The following ANXA13 variants were observed in gnomAD, a reference collection of about 807,000 sequenced individuals.
ANXA13 encodes annexin XIII.
ANXA13 carries 36 observed loss-of-function variants against 46.6 expected under a neutral mutation model. The ratio of observed to expected loss-of-function variants is 0.77; its 90% CI spans 0.59 to 1.02. ANXA13 has a LOEUF of 1.02. ANXA13 is among the 50% of genes least tolerant of loss of function. The pLI is 0.00. For synonymous variants in ANXA13, 163 were observed against 152.9 expected, an observed-to-expected ratio of 1.07 and a Z score of -0.49; for missense variants, 417 against 396.5, an observed-to-expected ratio of 1.05 and a Z score of -0.44.
At chr8:123,719,020 G>A (rs1813809687) in intron 1 of ANXA13, among the ~76,000 whole-genome samples, 1 of 152,206 alleles carries the variant, frequency 6.6e-6, no homozygotes, top group Non-Finnish European at 1.5e-5. Flanking sequence ...GAACATTCTA[G>A]GAACATCTTC....
At chr8:123,736,631 GAA>G (rs1189889491) in intron 1 of ANXA13, among the ~76,000 whole-genome samples, 1 of 152,152 alleles carries the variant, frequency 6.6e-6, no homozygotes, top group Non-Finnish European at 1.5e-5. Flanking sequence ...TTTGCAACAT[GAA>G]CCTATCTTTC....
chr8:123,725,601 C>T (rs1032554861), intron 1 of ANXA13, among the ~76,000 whole-genome samples: 1 of 152,166 alleles, frequency 6.6e-6, no homozygotes, highest in African/African-American at 2.4e-5. Context: ...GGGCCATTCA[C>T]ATCTGAAGCA....
intron 9 of ANXA13, among the ~76,000 whole-genome samples, chr8:123,685,031 T>A (rs868151735): frequency 6.6e-6 from 1 of 152,208 alleles, no homozygotes; most frequent in Admixed American, 6.5e-5. Flanking sequence ...ACTTTCCCTA[T>A]CGAGTGAAAT....
chr8:123,715,809 A>G (rs938584699), intron 1 of ANXA13, among the ~76,000 whole-genome samples: 2 of 152,148 alleles, frequency 1.3e-5, no homozygotes, highest in South Asian at 4.1e-4. Context: ...CAAGGCTAGA[A>G]CCAGATTTTC....
Position 123,695,906 on chromosome 8 carries a change from GCCC to G in ANXA13, c.358-188_358-186del, listed in dbSNP as rs369319261. On this transcript the variant is annotated intron_variant, in intron 4 of 10. Coordinates refer to ENST00000419625, the MANE Select transcript of ANXA13 (RefSeq NM_004306.4). Reference sequence around the variant, plus strand: ...CGAGTCCCTGGAGATGTGACGGCCCGCCCCCCCCCCACTCCGCCCACCTCTGCA... The same window carrying G: ...CGAGTCCCTGGAGATGTGACGGCCCGCCCCCCCACTCCGCCCACCTCTGCA... Among the ~76,000 whole-genome samples the G allele has an allele frequency of 2.8e-3, 259 of 91,168 alleles. 3 individuals are homozygous for G. Among genetic ancestry groups the G allele is most frequent in the African/African-American group, 0.011 (250 of 23,682 alleles). The allele number at this position is 91,168 out of a possible 152,430, so 59.8% of individuals were successfully genotyped here.
At chr8:123,712,484 A>G (rs1813678777) in intron 2 of ANXA13, 194 bp downstream of exon 2, 3 of 600,056 alleles carry the variant, frequency 5.0e-6, no homozygotes, top group South Asian at 4.0e-5. Context: ...GTTATATAGA[A>G]TCCTGAAAAG....
intron 2 of ANXA13, among the ~76,000 whole-genome samples, chr8:123,705,037 C>T (rs942860488): frequency 6.6e-6 from 1 of 152,216 alleles, no homozygotes; most frequent in African/African-American, 2.4e-5. Flanking sequence ...CTCATTTTGT[C>T]TATCCTTAAA....
intron 3 of ANXA13, 95 bp downstream of exon 3, chr8:123,702,547 C>T (rs1813462989): frequency 1.0e-6 from 1 of 967,036 alleles, no homozygotes; most frequent in South Asian, 1.4e-5. Flanking sequence ...CTCAATAAAG[C>T]TATAAAGATA....
intron 1 of ANXA13, among the ~76,000 whole-genome samples, chr8:123,729,680 G>A (rs146257405): frequency 7.9e-5 from 12 of 152,244 alleles, no homozygotes; most frequent in Non-Finnish European, 1.2e-4. Context: ...TGACAGAAAG[G>A]CAGACATAGC....
intron 1 of ANXA13, among the ~76,000 whole-genome samples, chr8:123,725,443 G>T (rs1316868071): frequency 6.6e-6 from 1 of 152,110 alleles, no homozygotes; most frequent in Admixed American, 6.5e-5. Flanking sequence ...CCTCTAACCG[G>T]TTACTCATTT....
intron 2 of ANXA13, chr8:123,712,278 C>A: frequency 5.0e-6 from 1 of 201,392 alleles, no homozygotes. Context: ...TTCTGCCATG[C>A]TTGTGAGGCC....
chr8:123,724,171 G>C (rs1294348098), intron 1 of ANXA13, among the ~76,000 whole-genome samples: 2 of 152,222 alleles, frequency 1.3e-5, no homozygotes, highest in Non-Finnish European at 2.9e-5. Context: ...TCAGACCTCA[G>C]TTGGAGAAAT....
chr8:123,683,348 C>T (rs184693353), intron 10 of ANXA13, among the ~76,000 whole-genome samples: 424 of 151,588 alleles, frequency 2.8e-3, no homozygotes, highest in African/African-American at 9.9e-3. Context: ...AGATGTTAAG[C>T]ATTATTTGTT....
At chr8:123,708,718 T>C (rs908751547) in intron 2 of ANXA13, among the ~76,000 whole-genome samples, 1 of 152,214 alleles carries the variant, frequency 6.6e-6, no homozygotes, top group Non-Finnish European at 1.5e-5. Flanking sequence ...CAGCAGTCTA[T>C]TCCTGCACAG....
chr8:123,710,433 A>T (rs1449121068), intron 2 of ANXA13, among the ~76,000 whole-genome samples: 1 of 152,228 alleles, frequency 6.6e-6, no homozygotes, highest in Non-Finnish European at 1.5e-5. Flanking sequence ...AGATGGTCGC[A>T]AAATCCTGTG....
intron 9 of ANXA13, among the ~76,000 whole-genome samples, chr8:123,688,449 G>A (rs984037563): frequency 5.9e-5 from 9 of 152,046 alleles, no homozygotes; most frequent in Admixed American, 3.3e-4. Flanking sequence ...GCATGAAAAC[G>A]GACTAATACA....
chr8:123,705,003 A>G (rs922996255), intron 2 of ANXA13, among the ~76,000 whole-genome samples: 5 of 152,104 alleles, frequency 3.3e-5, no homozygotes, highest in Non-Finnish European at 7.4e-5. Flanking sequence ...AGGCATTTCA[A>G]CTTCCATTGT....
chr8:123,734,097 G>A (rs1335189243), intron 1 of ANXA13, among the ~76,000 whole-genome samples: 2 of 152,190 alleles, frequency 1.3e-5, no homozygotes, highest in Non-Finnish European at 2.9e-5. Flanking sequence ...TCTATTGCCT[G>A]TTCATTAGCC....
intron 10 of ANXA13, among the ~76,000 whole-genome samples, 164 bp downstream of exon 10, chr8:123,684,446 T>A (rs1813098981): frequency 6.6e-6 from 1 of 152,186 alleles, no homozygotes; most frequent in Admixed American, 6.5e-5. Context: ...AGAAACAGAT[T>A]GAAGCAGAGC....
Sources: gnomAD v4.1 joint callset for allele counts (sites outside exome capture counted in the v4.1 genomes callset) on GRCh38, gnomAD v4.1.1 for gene constraint, MANE v1.5 for transcripts, NCBI Gene and HGNC (gene_info 2026-07-23, HGNC 2026-07-21) for gene names.